The following PDK1 variants were observed in gnomAD, a reference collection of about 807,000 sequenced individuals.
The protein encoded by PDK1 is [Pyruvate dehydrogenase (acetyl-transferring)] kinase isozyme 1, mitochondrial.
In PDK1, 39 loss-of-function variants were observed where a neutral mutation model predicts 54.2. The observed-to-expected ratio is 0.72, with a 90% CI of 0.56 to 0.94. The LOEUF (loss-of-function observed/expected upper bound fraction) is 0.94, where lower values mean the gene tolerates loss of function less well. PDK1 is among the 40% of genes least tolerant of loss of function. The probability of loss-of-function intolerance (pLI) is 0.00; values close to 1 mark genes in which losing one functional copy is unlikely to be tolerated. For missense variants in PDK1, 552 were observed against 566.0 expected (o/e 0.98, Z 0.25); for synonymous variants, 221 against 207.1 (o/e 1.07, Z -0.58).
At chr2:172,671,354 A>C in the PDK1 span, among the ~76,000 whole-genome samples, 1 of 151,194 alleles carries the variant, frequency 6.6e-6, no homozygotes, top group African/African-American at 2.4e-5. Context: ...ATATCTGATA[A>C]TTATATGAAT....
chr2:172,587,485 G>A (rs1208130870), intron 9 of PDK1, among the ~76,000 whole-genome samples: 1 of 152,154 alleles, frequency 6.6e-6, no homozygotes, highest in African/African-American at 2.4e-5. Flanking sequence ...GTTCTTCTGG[G>A]TGGGTTCGTG....
the PDK1 span, among the ~76,000 whole-genome samples, chr2:172,705,426 C>T: frequency 6.6e-6 from 1 of 152,174 alleles, no homozygotes; most frequent in African/African-American, 2.4e-5. Flanking sequence ...TTTGCCCAAC[C>T]CTGGGAATCT....
At chr2:172,557,337 C>T (rs1156724871) in intron 1 of PDK1, among the ~76,000 whole-genome samples, 4 of 152,172 alleles carry the variant, frequency 2.6e-5, no homozygotes, top group Non-Finnish European at 5.9e-5. Flanking sequence ...CTAACGTTTT[C>T]TCTTCTAAAG....
chr2:172,716,890 A>G, the PDK1 span, among the ~76,000 whole-genome samples: 1 of 152,232 alleles, frequency 6.6e-6, no homozygotes, highest in Non-Finnish European at 1.5e-5. Flanking sequence ...ATTGGAACAA[A>G]ACTTCATCAA....
the PDK1 span, among the ~76,000 whole-genome samples, chr2:172,680,690 A>G: frequency 6.6e-6 from 1 of 152,050 alleles, no homozygotes; most frequent in African/African-American, 2.4e-5. Flanking sequence ...CTTTATGTCT[A>G]CAGGAACCTG....
the PDK1 span, among the ~76,000 whole-genome samples, chr2:172,690,645 T>C: frequency 3.3e-5 from 5 of 150,122 alleles, no homozygotes; most frequent in Non-Finnish European, 5.9e-5. Flanking sequence ...ATGTGGCACA[T>C]ATACACCATG....
chr2:172,652,402 C>G, the PDK1 span, among the ~76,000 whole-genome samples: 1 of 152,148 alleles, frequency 6.6e-6, no homozygotes, highest in Admixed American at 6.5e-5. Context: ...CCTTTGAAAA[C>G]TGGCACAAGA....
the PDK1 span, among the ~76,000 whole-genome samples, chr2:172,715,564 G>C: frequency 6.6e-6 from 1 of 152,140 alleles, no homozygotes; most frequent in African/African-American, 2.4e-5. Context: ...GTGAGAGACT[G>C]TTCACAGAAG....
At chr2:172,696,108 G>A in the PDK1 span, among the ~76,000 whole-genome samples, 2 of 146,778 alleles carry the variant, frequency 1.4e-5, no homozygotes, top group African/African-American at 2.5e-5. Context: ...AGGAGCAGAG[G>A]TTGCAGTGAG....
chr2:172,690,805 A>G, the PDK1 span, among the ~76,000 whole-genome samples: 1 of 143,050 alleles, frequency 7.0e-6, no homozygotes, highest in Non-Finnish European at 1.5e-5. Flanking sequence ...GAACAATGAG[A>G]TCACTTGGAC....
At chr2:172,653,352 C>T in the PDK1 span, among the ~76,000 whole-genome samples, 3 of 152,146 alleles carry the variant, frequency 2.0e-5, no homozygotes, top group Non-Finnish European at 4.4e-5. Flanking sequence ...CCTGTAATCC[C>T]AGCACTTTGG....
chr2:172,712,678 C>T, the PDK1 span, among the ~76,000 whole-genome samples: 5 of 152,136 alleles, frequency 3.3e-5, no homozygotes, highest in African/African-American at 7.2e-5. Flanking sequence ...CACAGAGCCC[C>T]AAAGAGGGTG....
chr2:172,624,756 T>G, the PDK1 span, among the ~76,000 whole-genome samples: 1 of 152,114 alleles, frequency 6.6e-6, no homozygotes, highest in African/African-American at 2.4e-5. Flanking sequence ...CCCAGCACTT[T>G]GGGAGGCCGA....
intron 6 of PDK1, 27 bp downstream of exon 6, chr2:172,566,960 A>G (rs780072542): frequency 2.8e-5 from 39 of 1,417,342 alleles, no homozygotes; most frequent in Non-Finnish European, 3.0e-5. Flanking sequence ...CTTTTTCTCA[A>G]TAATTAGTGC....
chr2:172,606,043 T>G lies in PDK1; in HGVS notation c.*10074T>G, dbSNP rs925426013. On this transcript the variant is annotated 3_prime_UTR_variant, in exon 11 of 11. Transcript: ENST00000282077. The stretch of plus-strand genomic sequence containing the variant: ...TATTATAGACATAAAACCATTTAAT[T>G]TCATAGATACCTTCAGTGGTGGCAT... 3.9e-5 allele frequency: 6 copies of G among 152,182 alleles called. No homozygotes were observed. Among genetic ancestry groups the G allele is most frequent in the African/African-American group, 1.4e-4 (6 of 41,444 alleles). 9.4% of individuals were successfully genotyped at this position (152,182 alleles called of 1,614,324 possible).
chr2:172,652,470 G>A, the PDK1 span, among the ~76,000 whole-genome samples: 2 of 151,924 alleles, frequency 1.3e-5, no homozygotes, highest in Admixed American at 6.5e-5. Flanking sequence ...TCTGGCCAGG[G>A]CAATCAGGCA....
chr2:172,558,742 G>C lies in PDK1; in HGVS notation c.231G>C (p.Met77Ile). Residue 77 changes from methionine to isoleucine, a missense_variant, in exon 2 of 11, where the codon ATG becomes ATC. Met to Ile is a conservative substitution (Grantham distance 10). Coordinates refer to ENST00000282077, the MANE Select transcript of PDK1 (RefSeq NM_002610.5). ...SVNACEKTSF[M>I]FLRQELPVRL... Reference sequence around the variant, plus strand: ...ATGCTTGTGAAAAGACCTCATTTATGTTTCTGCGGCAAGAGTTGCCTGTCA... The same window carrying C: ...ATGCTTGTGAAAAGACCTCATTTATCTTTCTGCGGCAAGAGTTGCCTGTCA... 1.2e-6 allele frequency: 2 copies of C among 1,610,442 alleles called. No individual in the cohort carries two copies. Among genetic ancestry groups the C allele is most frequent in the Non-Finnish European group, 1.7e-6 (2 of 1,178,944 alleles).
chr2:172,571,376 A>G (rs1689248596), intron 8 of PDK1, among the ~76,000 whole-genome samples: 1 of 152,106 alleles, frequency 6.6e-6, no homozygotes, highest in African/African-American at 2.4e-5. Context: ...TTCTTCTTTT[A>G]CATTTTATTA....
At chr2:172,630,950 G>T in the PDK1 span, among the ~76,000 whole-genome samples, 109,153 of 152,154 alleles carry the variant, frequency 0.72, 39,519 homozygotes, top group Non-Finnish European at 0.77. Context: ...GGAACCTTAA[G>T]AAGTCCTTCT....
Sources: allele counts gnomAD v4.1 joint callset (sites outside exome capture counted in the v4.1 genomes callset), GRCh38; gene constraint gnomAD v4.1.1; transcripts MANE v1.5; gene names NCBI Gene and HGNC (gene_info 2026-07-23, HGNC 2026-07-21).